The following PHACTR4 variants were observed in gnomAD, a reference collection of about 807,000 sequenced individuals.
The protein encoded by PHACTR4 is phosphatase and actin regulator 4.
PHACTR4 carries 51 observed loss-of-function variants against 72.7 expected under a neutral mutation model. The observed-to-expected ratio is 0.70, with a 90% CI of 0.56 to 0.89. PHACTR4 has a LOEUF of 0.89. Ranked by LOEUF, PHACTR4 falls within the 40% of genes least tolerant of loss-of-function variation. The pLI, the probability that PHACTR4 is intolerant of heterozygous loss-of-function variation, is 0.00. For missense variants in PHACTR4, 731 were observed against 861.8 expected (o/e 0.85, Z 1.90); for synonymous variants, 255 against 302.5 (o/e 0.84, Z 1.63).
intron 9 of PHACTR4, among the ~76,000 whole-genome samples, chr1:28,487,729 T>TGG (rs1459957877): frequency 1.9e-5 from 2 of 105,366 alleles, no homozygotes; most frequent in African/African-American, 7.9e-5. Context: ...TTTTTGTTGT[T>TGG]TTTTTTTTTT....
At chr1:28,424,197 T>A (rs1557804410) in intron 2 of PHACTR4, among the ~76,000 whole-genome samples, 2 of 151,808 alleles carry the variant, frequency 1.3e-5, no homozygotes, top group African/African-American at 2.4e-5. Context: ...ATTATTTTTT[T>A]ATTTTTATTT....
chr1:28,380,537 G>A (rs1219265784), intron 1 of PHACTR4, among the ~76,000 whole-genome samples: 1 of 152,124 alleles, frequency 6.6e-6, no homozygotes, highest in African/African-American at 2.4e-5. Context: ...GCACCAGTGA[G>A]TGTTGTTCCC....
chr1:28,472,079 G>A (rs890691241), intron 6 of PHACTR4, among the ~76,000 whole-genome samples: 4 of 152,064 alleles, frequency 2.6e-5, no homozygotes, highest in African/African-American at 9.7e-5. Context: ...CGGGAGTGGT[G>A]GTGGGCGCCT....
intron 9 of PHACTR4, among the ~76,000 whole-genome samples, chr1:28,487,728 T>TTG (rs1491432636): frequency 0.015 from 955 of 62,190 alleles, 103 homozygotes; most frequent in African/African-American, 0.051. Flanking sequence ...TTTTTTGTTG[T>TTG]TTTTTTTTTT....
chr1:28,417,464 C>T (rs993974710), intron 2 of PHACTR4, among the ~76,000 whole-genome samples: 2 of 151,818 alleles, frequency 1.3e-5, no homozygotes, highest in Admixed American at 6.6e-5. Context: ...ACTGCAATAC[C>T]GCCACAGTTG....
intron 6 of PHACTR4, among the ~76,000 whole-genome samples, chr1:28,467,869 A>G (rs753956763): frequency 1.1e-4 from 16 of 152,164 alleles, no homozygotes; most frequent in Non-Finnish European, 2.2e-4. Context: ...TAAATGCACA[A>G]TTTCTTAGAA....
intron 2 of PHACTR4, among the ~76,000 whole-genome samples, chr1:28,435,269 A>T (rs1374120113): frequency 6.6e-6 from 1 of 151,352 alleles, no homozygotes; most frequent in Non-Finnish European, 1.5e-5. Flanking sequence ...TGTATTAACA[A>T]TTTTTTTTTC....
chr1:28,473,490 C>T (rs1557838525), intron 6 of PHACTR4, 64 bp from the exon 7 acceptor site: 6 of 1,248,792 alleles, frequency 4.8e-6, no homozygotes, highest in Non-Finnish European at 5.6e-6. Flanking sequence ...AATTCTAGGC[C>T]CTGGGCCGGC....
chr1:28,483,618 G>A (rs9651011), intron 9 of PHACTR4, among the ~76,000 whole-genome samples: 15,769 of 151,416 alleles, frequency 0.1, 1,898 homozygotes, highest in African/African-American at 0.3. Context: ...TGGCTAACAC[G>A]ATGAAACCCC....
chr1:28,433,462 C>CTTTTTTTTTT (rs567134987), intron 2 of PHACTR4, among the ~76,000 whole-genome samples: 6 of 130,522 alleles, frequency 4.6e-5, no homozygotes, highest in Admixed American at 8.1e-5. Context: ...TTCTTTTTTT[C>CTTTTTTTTTT]TTTTTTTTTT....
rs566565701 is a variant in PHACTR4 at position 28,440,289 on chromosome 1, G to T, written c.17-18796G>T. 4.2e-3 allele frequency among the ~76,000 whole-genome samples: 424 copies of T among 101,432 alleles called. 6 individuals carry two copies. The highest frequency in any genetic ancestry group is 0.016 in the African/African-American group (407 of 25,664). 66.5% of individuals were successfully genotyped at this position (101,432 alleles called of 152,430 possible). ...TGCACTCCAGCCTGGGCGACAGAGC[G>T]AAACTCCGTCTCAAAAAGAAAAAAA... On this transcript the variant is annotated intron_variant, in intron 2 of 13. Coordinates refer to ENST00000373839, the MANE Select transcript of PHACTR4 (RefSeq NM_001048183.3).
intron 6 of PHACTR4, among the ~76,000 whole-genome samples, chr1:28,469,365 A>G (rs1204634423): frequency 1.2e-4 from 19 of 152,192 alleles, no homozygotes; most frequent in Admixed American, 1.2e-3. Context: ...TCTCATCCAT[A>G]TAACATGGAG....
At chr1:28,462,707 G>A (rs187571039) in intron 4 of PHACTR4, among the ~76,000 whole-genome samples, 64 of 152,218 alleles carry the variant, frequency 4.2e-4, no homozygotes, top group African/African-American at 1.5e-3. Context: ...AATCCAAGTT[G>A]TTTTTAGCCT....
chr1:28,465,968 A>C, intron 5 of PHACTR4, 119 bp downstream of exon 5: 1 of 1,020,396 alleles, frequency 9.8e-7, no homozygotes, highest in Non-Finnish European at 1.4e-6. Context: ...CTCCTTTAAC[A>C]ATACCTTAAC....
chr1:28,484,739 G>A (rs1481718676), intron 9 of PHACTR4, among the ~76,000 whole-genome samples: 1 of 151,450 alleles, frequency 6.6e-6, no homozygotes, highest in Non-Finnish European at 1.5e-5. Flanking sequence ...AGGCCGAGGC[G>A]GGTGGATCAC....
chr1:28,495,609 A>AT (rs201441752), intron 13 of PHACTR4, among the ~76,000 whole-genome samples: 4 of 143,892 alleles, frequency 2.8e-5, no homozygotes, highest in Non-Finnish European at 4.4e-5. Context: ...ATTTTTATTT[A>AT]TTTATTTTTT....
rs1041042646 is a variant in PHACTR4 at position 28,451,872 on chromosome 1, C to T, written c.17-7213C>T. 2.0e-5 allele frequency among the ~76,000 whole-genome samples: 3 copies of T among 151,890 alleles called. No homozygotes were observed. In the East Asian group the frequency reaches 5.8e-4, roughly 29 times the overall value. The stretch of plus-strand genomic sequence containing the variant: ...CAAGCTGATCTTAAACTCCTGGGCT[C>T]AAGTGATCCCCACTACCTCGACCTC... On this transcript the variant is annotated intron_variant, in intron 2 of 13. Transcript: ENST00000373839.
intron 2 of PHACTR4, among the ~76,000 whole-genome samples, chr1:28,444,545 G>A (rs989906050): frequency 1.3e-5 from 2 of 151,216 alleles, no homozygotes; most frequent in Non-Finnish European, 2.9e-5. Flanking sequence ...GCATTTTTAT[G>A]TCTTCTTTTG....
chr1:28,419,492 A>G (rs980995712), intron 2 of PHACTR4, among the ~76,000 whole-genome samples: 9 of 151,788 alleles, frequency 5.9e-5, no homozygotes, highest in African/African-American at 2.2e-4. Context: ...GTGTATATAT[A>G]CACACACACA....
Sources: gnomAD v4.1 joint callset for allele counts (sites outside exome capture counted in the v4.1 genomes callset) on GRCh38, gnomAD v4.1.1 for gene constraint, MANE v1.5 for transcripts, NCBI Gene and HGNC (gene_info 2026-07-23, HGNC 2026-07-21) for gene names.